KANSL1: variants seen among roughly 807,000 people sequenced by gnomAD.
KANSL1 encodes KAT8 regulatory NSL complex subunit 1, also known as MLL1/MLL complex subunit KANSL1.
In KANSL1, 22 loss-of-function variants were observed where a neutral mutation model predicts 103.6. The observed-to-expected ratio is 0.21, with a 90% CI of 0.15 to 0.30. KANSL1 has a LOEUF of 0.30. KANSL1 is among the 10% of genes least tolerant of loss of function. KANSL1 has a pLI of 1.00. For synonymous variants in KANSL1, 600 were observed against 527.6 expected, an observed-to-expected ratio of 1.14 and a Z score of -1.88; for missense variants, 1,337 against 1,399.8, an observed-to-expected ratio of 0.96 and a Z score of 0.72.
chr17:46,160,718 T>C (rs1220409369), intron 2 of KANSL1, among the ~76,000 whole-genome samples: 2 of 152,244 alleles, frequency 1.3e-5, no homozygotes, highest in Non-Finnish European at 2.9e-5. Context: ...AAATACGTAT[T>C]ACCAAATTAA....
At chr17:46,058,079 A>G (rs976976704) in intron 6 of KANSL1, among the ~76,000 whole-genome samples, 2 of 152,230 alleles carry the variant, frequency 1.3e-5, no homozygotes, top group African/African-American at 4.8e-5. Context: ...GCAAATTCTC[A>G]CTAGATCAGA....
intron 1 of KANSL1, among the ~76,000 whole-genome samples, chr17:46,191,323 T>G (rs146129073): frequency 9.8e-5 from 15 of 152,318 alleles, no homozygotes; most frequent in Admixed American, 2.6e-4. Context: ...GTTAAAAAAA[T>G]AGTTTTAACT....
upstream of KANSL1, among the ~76,000 whole-genome samples, chr17:46,197,516 G>A (rs1179416998): frequency 3.3e-5 from 5 of 152,176 alleles, no homozygotes; most frequent in African/African-American, 9.7e-5. Context: ...GGTGGTGCAC[G>A]CCTGTAGTTC....
In KANSL1 at chr17:46,038,660, T is replaced by C; in HGVS notation, c.2419A>G (p.Ser807Gly). 1 of 1,614,186 alleles carries C rather than the reference T, an allele frequency of 6.2e-7. No individual in the cohort carries two copies. The highest frequency in any genetic ancestry group is 8.5e-7 in the Non-Finnish European group (1 of 1,180,046). Reference sequence around the variant, plus strand: ...TGGGTGGCTGCCAAGTAGCTCGAACTGCTCATGTCTGTGTGATGCTTCAAC... The same window carrying C: ...TGGGTGGCTGCCAAGTAGCTCGAACCGCTCATGTCTGTGTGATGCTTCAAC... ...EVLKHHTDMS[S>G]SSYLAATHHP... is the part of the protein sequence containing the mutation. Residue 807 changes from serine (S) to glycine (G), a missense_variant, in exon 10 of 15, where the codon AGT becomes GGT. Coordinates refer to ENST00000432791, the MANE Select transcript of KANSL1 (RefSeq NM_015443.4).
intron 8 of KANSL1, 166 bp downstream of exon 8, chr17:46,039,536 T>C: frequency 1.3e-6 from 1 of 751,906 alleles, no homozygotes; most frequent in African/African-American, 1.8e-5. Context: ...CCGAAGTCCA[T>C]CTGAGAGCAT....
intron 2 of KANSL1, among the ~76,000 whole-genome samples, chr17:46,168,505 G>A (rs1458085283): frequency 2.6e-5 from 4 of 152,214 alleles, no homozygotes; most frequent in South Asian, 2.1e-4. Flanking sequence ...GTGCCACCAC[G>A]CCCAACTAAT....
chr17:46,200,100 A>C (rs1470483231), intron 1 of KANSL1, among the ~76,000 whole-genome samples: 1 of 146,876 alleles, frequency 6.8e-6, no homozygotes, highest in Non-Finnish European at 1.5e-5. Context: ...GTTAATTCTA[A>C]TGTTTTTAAC....
Position 46,171,574 on chromosome 17 carries a change from C to T in KANSL1, c.570G>A (p.Gly190=), listed in dbSNP as rs1365962710. ...KRALTSSALH[G]GEMGGSESGD... ...CAGATTCAGATCCTCCCATTTCACCCCCATGAAGAGCAGATGAAGTGAGAG... is the reference window on the plus strand; with the variant it reads ...CAGATTCAGATCCTCCCATTTCACCTCCATGAAGAGCAGATGAAGTGAGAG... The change falls in exon 2 of 15, where the codon GGG becomes GGA. Residue 190 remains glycine (G), a synonymous_variant. Coordinates refer to ENST00000432791, the MANE Select transcript of KANSL1 (RefSeq NM_015443.4). 3.2e-5 allele frequency: 51 copies of T among 1,604,782 alleles called. No individual in the cohort carries two copies. The highest frequency in any genetic ancestry group is 4.3e-5 in the Non-Finnish European group (51 of 1,176,058).
chr17:46,205,616 G>C (rs1170169576), intron 1 of KANSL1, among the ~76,000 whole-genome samples: 1 of 145,824 alleles, frequency 6.9e-6, no homozygotes, highest in Non-Finnish European at 1.5e-5. Context: ...AGGAGGCGGA[G>C]GTTGCAATGA....
At position 46,099,041 on chromosome 17, in the gene KANSL1, C is replaced by CTATATAAACTCA. The variant is rs2042196392; in HGVS notation, c.1290-4341_1290-4340insTGAGTTTATATA. ...TCTTTTGTTCCTTAACAAATACAAGCGGCCGGGCGCGGTGGCTCACGCTTG... is the reference window on the plus strand; with the variant it reads ...TCTTTTGTTCCTTAACAAATACAAGCTATATAAACTCAGGCCGGGCGCGGTGGCTCACGCTTG... On this transcript the variant is annotated intron_variant, in intron 2 of 14. Transcript: ENST00000432791. 1.3e-3 allele frequency among the ~76,000 whole-genome samples: 192 copies of CTATATAAACTCA among 148,648 alleles called. 9 individuals are homozygous for CTATATAAACTCA. The highest frequency in any genetic ancestry group is 2.3e-3 in the Admixed American group (34 of 14,766).
chr17:46,123,057 T>G (rs1241710615), intron 2 of KANSL1, among the ~76,000 whole-genome samples: 1 of 152,236 alleles, frequency 6.6e-6, no homozygotes, highest in African/African-American at 2.4e-5. Flanking sequence ...GCGGATGTTT[T>G]CTGGTAAAAT....
intron 2 of KANSL1, among the ~76,000 whole-genome samples, chr17:46,129,651 G>T (rs1219268307): frequency 6.6e-6 from 1 of 152,186 alleles, no homozygotes; most frequent in African/African-American, 2.4e-5. Flanking sequence ...AGCAAGCAAA[G>T]TCTGTTAAAG....
At chr17:46,117,390 A>G (rs897522143) in intron 2 of KANSL1, among the ~76,000 whole-genome samples, 1 of 152,258 alleles carries the variant, frequency 6.6e-6, no homozygotes, top group South Asian at 2.1e-4. Context: ...CCAGTAACGT[A>G]AATTCCAAGA....
At chr17:46,180,679 C>A (rs1232195475) in intron 1 of KANSL1, among the ~76,000 whole-genome samples, 1 of 152,044 alleles carries the variant, frequency 6.6e-6, no homozygotes, top group Non-Finnish European at 1.5e-5. Context: ...AAGAGAGGCT[C>A]TGTCTCAAAA....
chr17:46,174,063 C>T (rs2046406561), intron 1 of KANSL1, among the ~76,000 whole-genome samples: 1 of 152,236 alleles, frequency 6.6e-6, no homozygotes, highest in Non-Finnish European at 1.5e-5. Context: ...CAAGGAAGAC[C>T]ACTGACGATA....
intron 2 of KANSL1, among the ~76,000 whole-genome samples, chr17:46,108,834 C>T (rs190809280): frequency 1.3e-5 from 2 of 152,344 alleles, no homozygotes; most frequent in South Asian, 2.1e-4. Context: ...CTAACTCTGG[C>T]CTCTAATGCT....
chr17:46,198,688 C>T (rs777599278), upstream of KANSL1, among the ~76,000 whole-genome samples: 2 of 152,204 alleles, frequency 1.3e-5, no homozygotes, highest in Non-Finnish European at 2.9e-5. Context: ...GCCAAGATCG[C>T]ACCACTGCAC....
chr17:46,180,731 G>A (rs777151799), intron 1 of KANSL1, among the ~76,000 whole-genome samples: 7 of 152,128 alleles, frequency 4.6e-5, no homozygotes, highest in Middle Eastern at 3.4e-3. Flanking sequence ...CAGGTGCAGC[G>A]GCTCAGACAT....
chr17:46,035,155 C>G (rs961935217), intron 10 of KANSL1: 1 of 152,254 alleles, frequency 6.6e-6, no homozygotes, highest in African/African-American at 2.4e-5. Context: ...AGTTAATACC[C>G]TATCCTGAAA....
Sources: allele counts gnomAD v4.1 joint callset (sites outside exome capture counted in the v4.1 genomes callset), GRCh38; gene constraint gnomAD v4.1.1; transcripts MANE v1.5; gene names NCBI Gene and HGNC (gene_info 2026-07-23, HGNC 2026-07-21).